Variants in CSMD2 observed in about 807,000 individuals in gnomAD.
The protein encoded by CSMD2 is CUB and sushi domain-containing protein 2.
A neutral mutation model predicts 398.5 loss-of-function variants in CSMD2; 130 were observed. The observed-to-expected ratio is 0.33, with a 90% CI of 0.28 to 0.38. The LOEUF (loss-of-function observed/expected upper bound fraction) is 0.38. Among genes scored for constraint, CSMD2 ranks in the 10% least tolerant of loss-of-function variants. The probability of loss-of-function intolerance (pLI) is 1.00; values close to 1 mark genes in which losing one functional copy is unlikely to be tolerated. For synonymous variants in CSMD2, 1,828 were observed against 1,908.5 expected, an observed-to-expected ratio of 0.96 and a Z score of 1.10; for missense variants, 3,829 against 4,764.9, an observed-to-expected ratio of 0.80 and a Z score of 5.78.
intron 26 of CSMD2, among the ~76,000 whole-genome samples, 185 bp from the exon 27 acceptor site, chr1:33,658,322 TCCA>T (rs1190839427): frequency 1.3e-5 from 2 of 152,262 alleles, no homozygotes; most frequent in African/African-American, 4.8e-5. Flanking sequence ...TATCACTGCC[TCCA>T]CCACCAATTG....
chr1:33,605,358 T>C lies in CSMD2; in HGVS notation c.6456A>G (p.Gln2152=), dbSNP rs1426937997. ...ACGTGAGGACAGGGTGGCCAGTCAATTGATACCCCGGGAGGCACTCGAAGG... is the reference window on the plus strand; with the variant it reads ...ACGTGAGGACAGGGTGGCCAGTCAACTGATACCCCGGGAGGCACTCGAAGG... ...SVTFECLPGY[Q]LTGHPVLTCQ... is the part of the protein sequence containing the mutation. Residue 2152 remains glutamine (Q), a synonymous_variant, in exon 42 of 71, where the codon CAA becomes CAG. Transcript: ENST00000373381. 9 of 1,614,142 alleles carry C rather than the reference T, an allele frequency of 5.6e-6. No homozygotes were observed. The highest frequency in any genetic ancestry group is 2.2e-5 in the East Asian group (1 of 44,870).
chr1:33,732,584 C>T (rs899778659), intron 15 of CSMD2, among the ~76,000 whole-genome samples: 2 of 152,212 alleles, frequency 1.3e-5, no homozygotes, highest in Admixed American at 1.3e-4. Context: ...CTGCCAGTAC[C>T]TTGATCTTGA....
intron 10 of CSMD2, among the ~76,000 whole-genome samples, 157 bp from the exon 11 acceptor site, chr1:33,792,683 A>G (rs1315804406): frequency 1.3e-5 from 2 of 152,272 alleles, no homozygotes; most frequent in East Asian, 3.9e-4. Context: ...CACTTTAATG[A>G]GTGTGAACTA....
chr1:34,054,792 G>A (rs1357456204), intron 2 of CSMD2, among the ~76,000 whole-genome samples: 1 of 152,080 alleles, frequency 6.6e-6, no homozygotes, highest in Non-Finnish European at 1.5e-5. Context: ...ATTGGAGCTG[G>A]TGATTGTCTC....
intron 11 of CSMD2, among the ~76,000 whole-genome samples, chr1:33,790,436 G>A (rs1052009194): frequency 2.6e-5 from 4 of 152,130 alleles, no homozygotes; most frequent in Admixed American, 6.6e-5. Context: ...TGTCCAATTG[G>A]CTTTAAACTG....
chr1:34,142,265 G>A (rs190914747), intron 1 of CSMD2, among the ~76,000 whole-genome samples: 2 of 152,120 alleles, frequency 1.3e-5, no homozygotes, highest in African/African-American at 4.8e-5. Flanking sequence ...TAATAACTAC[G>A]AGCAAATGGG....
At chr1:33,890,052 AG>A (rs78880696) in intron 5 of CSMD2, among the ~76,000 whole-genome samples, 104,489 of 150,922 alleles carry the variant, frequency 0.69, 37,739 homozygotes, top group African/African-American at 0.91. Context: ...TATAAAAAAA[AG>A]AGAAAGAAAT....
At position 33,844,288 on chromosome 1, in the gene CSMD2, G is replaced by GT. The variant is rs35574641; in HGVS notation, c.1033+2595_1033+2596insA. Among the ~76,000 whole-genome samples the GT allele has an allele frequency of 3.7e-3, 167 of 45,326 alleles. 2 individuals carry two copies. In the East Asian group the frequency reaches 0.12, roughly 33 times the overall value. The allele number at this position is 45,326 out of a possible 152,430, so 29.7% of individuals were successfully genotyped here. On this transcript the variant is annotated intron_variant, in intron 6 of 70. Transcript: ENST00000373381. ...TTGGTTGTCATGACTGTGTGTGTGT[G>GT]GGGGGGCGCTGCTAATGGCTGCTGG...
intron 2 of CSMD2, among the ~76,000 whole-genome samples, chr1:34,052,687 CAAG>C (rs1432768416): frequency 6.6e-6 from 1 of 152,062 alleles, no homozygotes; most frequent in African/African-American, 2.4e-5. Flanking sequence ...CCATTTAGAA[CAAG>C]AAGGACTGTG....
chr1:33,907,453 A>G (rs1229867193), intron 5 of CSMD2, among the ~76,000 whole-genome samples: 1 of 152,026 alleles, frequency 6.6e-6, no homozygotes, highest in African/African-American at 2.4e-5. Flanking sequence ...AATGTGAGTG[A>G]TTTCAGGAGG....
At chr1:33,720,195 G>A (rs1367857619) in intron 19 of CSMD2, among the ~76,000 whole-genome samples, 1 of 152,212 alleles carries the variant, frequency 6.6e-6, no homozygotes, top group African/African-American at 2.4e-5. Context: ...ATCACCAAAT[G>A]CTTCTTGAGT....
chr1:33,579,390 T>C (rs1020574231), intron 48 of CSMD2, among the ~76,000 whole-genome samples: 6 of 152,116 alleles, frequency 3.9e-5, no homozygotes, highest in Admixed American at 3.9e-4. Flanking sequence ...ACTCAGTCAT[T>C]GCAGCCACCC....
At chr1:33,800,609 C>A (rs1488023792) in intron 10 of CSMD2, among the ~76,000 whole-genome samples, 1 of 152,142 alleles carries the variant, frequency 6.6e-6, no homozygotes, top group Non-Finnish European at 1.5e-5. Flanking sequence ...CACAGAAGAC[C>A]CTGAGTACAT....
intron 19 of CSMD2, among the ~76,000 whole-genome samples, chr1:33,717,427 G>T (rs1449522070): frequency 3.9e-5 from 6 of 151,946 alleles, no homozygotes; most frequent in Admixed American, 3.9e-4. Flanking sequence ...TCAGGGTAGG[G>T]TAGCCAAGAC....
At chr1:33,803,415 T>C (rs190074685) in intron 10 of CSMD2, among the ~76,000 whole-genome samples, 118 of 152,308 alleles carry the variant, frequency 7.7e-4, no homozygotes, top group Non-Finnish European at 3.5e-4. Context: ...ACATTCCAAA[T>C]GCACTGTTTC....
intron 3 of CSMD2, among the ~76,000 whole-genome samples, chr1:34,003,947 C>G (rs533908524): frequency 4.6e-5 from 7 of 152,288 alleles, no homozygotes; most frequent in African/African-American, 1.7e-4. Flanking sequence ...TGCCCTGCCC[C>G]CATCCCATGT....
chr1:33,536,324 C>A (rs1252212205), intron 62 of CSMD2, among the ~76,000 whole-genome samples: 1 of 152,122 alleles, frequency 6.6e-6, no homozygotes, highest in African/African-American at 2.4e-5. Context: ...CCTGGGTCCA[C>A]GCCATTCTCC....
intron 25 of CSMD2, among the ~76,000 whole-genome samples, chr1:33,670,480 C>G (rs755952132): frequency 3.9e-5 from 6 of 152,194 alleles, no homozygotes; most frequent in Non-Finnish European, 5.9e-5. Context: ...AAGGAGGATA[C>G]TTCCTATTTC....
intron 12 of CSMD2, among the ~76,000 whole-genome samples, chr1:33,777,177 A>C (rs1302563580): frequency 6.6e-6 from 1 of 151,632 alleles, no homozygotes; most frequent in Non-Finnish European, 1.5e-5. Context: ...AGCTGCTAGC[A>C]CTGCAGAGGG....
Sources: gnomAD v4.1 joint callset for allele counts (sites outside exome capture counted in the v4.1 genomes callset) on GRCh38, gnomAD v4.1.1 for gene constraint, MANE v1.5 for transcripts, NCBI Gene and HGNC (gene_info 2026-07-23, HGNC 2026-07-21) for gene names.